SLC4A4: variants seen among roughly 807,000 people sequenced by gnomAD.
SLC4A4 encodes solute carrier family 4 member 4.
In SLC4A4, 27 loss-of-function variants were observed where a neutral mutation model predicts 111.5. The ratio of observed to expected loss-of-function variants is 0.24; its 90% CI spans 0.18 to 0.33. SLC4A4 has a LOEUF of 0.33. Ranked by LOEUF, SLC4A4 falls within the 10% of genes least tolerant of loss-of-function variation. The pLI, the probability that SLC4A4 is intolerant of heterozygous loss-of-function variation, is 1.00. For synonymous variants in SLC4A4, 443 were observed against 463.4 expected (o/e 0.96, Z 0.57); for missense variants, 909 against 1,315.5 (o/e 0.69, Z 4.78).
intron 2 of SLC4A4, among the ~76,000 whole-genome samples, chr4:71,106,874 G>T (rs958919839): frequency 1.3e-5 from 2 of 149,306 alleles, no homozygotes. Flanking sequence ...GTATACATAT[G>T]TAACTAACCT....
At chr4:71,477,213 C>G (rs2149115332) in intron 14 of SLC4A4, among the ~76,000 whole-genome samples, 1 of 151,706 alleles carries the variant, frequency 6.6e-6, no homozygotes, top group African/African-American at 2.4e-5. Flanking sequence ...AGTGATTGTG[C>G]CTATTCTTAG....
chr4:71,195,609 T>G (rs1158072413), intron 1 of SLC4A4, among the ~76,000 whole-genome samples: 1 of 152,216 alleles, frequency 6.6e-6, no homozygotes, highest in Non-Finnish European at 1.5e-5. Flanking sequence ...CTGTTCTGAG[T>G]GATTTCATTC....
intron 16 of SLC4A4, among the ~76,000 whole-genome samples, chr4:71,500,495 T>C (rs941642548): frequency 6.6e-6 from 1 of 152,188 alleles, no homozygotes; most frequent in Non-Finnish European, 1.5e-5. Flanking sequence ...CTTTTTTTTG[T>C]ATTTTTAGTA....
intron 2 of SLC4A4, among the ~76,000 whole-genome samples, chr4:71,146,253 C>T (rs371982929): frequency 1.1e-3 from 172 of 152,030 alleles, no homozygotes; most frequent in African/African-American, 2.9e-3. Context: ...TGTAGTTGAG[C>T]GGTTTTGAGT....
intron 2 of SLC4A4, among the ~76,000 whole-genome samples, chr4:71,144,712 A>G (rs4586903): frequency 0.99 from 150,173 of 151,944 alleles, 74,231 homozygotes; most frequent in East Asian, 1. Context: ...TGAAGCAATT[A>G]TGAATGGGAG....
chr4:71,390,064 G>A (rs142304999), intron 6 of SLC4A4, among the ~76,000 whole-genome samples: 243 of 152,150 alleles, frequency 1.6e-3, no homozygotes, highest in African/African-American at 5.5e-3. Flanking sequence ...TAGGGTGTGG[G>A]GGATGGAAGT....
At chr4:71,379,467 T>A (rs1717878492) in intron 6 of SLC4A4, among the ~76,000 whole-genome samples, 1 of 152,168 alleles carries the variant, frequency 6.6e-6, no homozygotes, top group African/African-American at 2.4e-5. Context: ...AAAGCTCTTA[T>A]GTCCCGCAGG....
intron 1 of SLC4A4, among the ~76,000 whole-genome samples, chr4:71,234,022 T>C (rs188314170): frequency 6.6e-5 from 10 of 152,288 alleles, no homozygotes; most frequent in African/African-American, 2.4e-4. Flanking sequence ...TCCTGCAACA[T>C]CCTAAACTTG....
At chr4:71,075,178 C>T (rs747534021) in intron 1 of SLC4A4, among the ~76,000 whole-genome samples, 1 of 152,156 alleles carries the variant, frequency 6.6e-6, no homozygotes. Context: ...GAATGTCAGC[C>T]TACTATTAAC....
chr4:71,098,156 G>T (rs1742613748), intron 2 of SLC4A4, among the ~76,000 whole-genome samples: 1 of 152,008 alleles, frequency 6.6e-6, no homozygotes, highest in Non-Finnish European at 1.5e-5. Flanking sequence ...TTATAGTTTT[G>T]TGTTTTACAT....
At chr4:71,438,078 C>T (rs1475505548) in intron 7 of SLC4A4, among the ~76,000 whole-genome samples, 3 of 152,230 alleles carry the variant, frequency 2.0e-5, no homozygotes, top group East Asian at 1.9e-4. Context: ...TCACAGAGAC[C>T]TGGCCCCTTA....
At chr4:71,538,540 A>G (rs1331260442) in intron 18 of SLC4A4, among the ~76,000 whole-genome samples, 1 of 152,144 alleles carries the variant, frequency 6.6e-6, no homozygotes, top group Admixed American at 6.6e-5. Flanking sequence ...TTGTTAGGAA[A>G]GGAGAGCTGT....
At chr4:71,333,719 G>A (rs1289328407) in intron 3 of SLC4A4, among the ~76,000 whole-genome samples, 1 of 152,184 alleles carries the variant, frequency 6.6e-6, no homozygotes, top group Non-Finnish European at 1.5e-5. Flanking sequence ...TGCTGCTGCT[G>A]AGCTGGCACC....
chr4:71,367,819 T>G (rs1731466306), intron 6 of SLC4A4, among the ~76,000 whole-genome samples: 1 of 152,212 alleles, frequency 6.6e-6, no homozygotes, highest in African/African-American at 2.4e-5. Context: ...TTGACAAAAA[T>G]GTTTCTCGAT....
At chr4:71,347,665 G>A (rs1729446121) in intron 4 of SLC4A4, among the ~76,000 whole-genome samples, 2 of 152,252 alleles carry the variant, frequency 1.3e-5, no homozygotes, top group South Asian at 4.1e-4. Flanking sequence ...GATGATGGCA[G>A]AAAAGAACTA....
intron 6 of SLC4A4, among the ~76,000 whole-genome samples, chr4:71,378,605 T>C (rs1717767540): frequency 6.6e-6 from 1 of 152,246 alleles, no homozygotes; most frequent in Admixed American, 6.5e-5. Flanking sequence ...CGCTAAATAC[T>C]TGAATTCGTT....
chr4:71,285,137 C>T (rs138604543), intron 3 of SLC4A4, among the ~76,000 whole-genome samples: 11 of 152,120 alleles, frequency 7.2e-5, no homozygotes, highest in Non-Finnish European at 1.6e-4. Flanking sequence ...TCCATGGTGA[C>T]CAAAGCCTTA....
chr4:71,219,520 C>A (rs749897588), intron 1 of SLC4A4, among the ~76,000 whole-genome samples: 32 of 152,176 alleles, frequency 2.1e-4, no homozygotes, highest in Admixed American at 7.2e-4. Flanking sequence ...TTTATGTGTG[C>A]TAAAATAACT....
rs558713803 is a variant in SLC4A4 at position 71,119,431 on chromosome 4, G to A, written c.-2+26639G>A. Among the ~76,000 whole-genome samples, 10 of 151,904 alleles carry A rather than the reference G, an allele frequency of 6.6e-5. No homozygotes were observed. The East Asian group carries it at 1.5e-3, about 24-fold the overall frequency. ...GGGTTTTTCTCTGTTGTTCAGGCTG[G>A]AGTGCAGTGGCACAATCATGGCTCA... On this transcript the variant is annotated intron_variant, in intron 2 of 26. Coordinates refer to the SLC4A4 transcript ENST00000649996.
Sources: allele counts gnomAD v4.1 joint callset (sites outside exome capture counted in the v4.1 genomes callset), GRCh38; gene constraint gnomAD v4.1.1; transcripts MANE v1.5; gene names NCBI Gene and HGNC (gene_info 2026-07-23, HGNC 2026-07-21).